Variants in FBN1 observed in about 807,000 individuals in gnomAD.
FBN1 encodes fibrillin 1.
In FBN1, 29 loss-of-function variants were observed where a neutral mutation model predicts 365.1. The observed-to-expected ratio is 0.08, with a 90% CI of 0.06 to 0.11. The LOEUF is 0.11. FBN1 is among the 10% of genes least tolerant of loss of function. The probability of loss-of-function intolerance (pLI) is 1.00; values close to 1 mark genes in which losing one functional copy is unlikely to be tolerated. For synonymous variants in FBN1, 1,210 were observed against 1,270.5 expected (o/e 0.95, Z 1.01); for missense variants, 2,476 against 3,703.2 (o/e 0.67, Z 8.60).
Position 48,409,889 on chromosome 15 carries a change from T to TAAGC in FBN1, c.*1100_*1101insGCTT, listed in dbSNP as rs1269104989. On this transcript the variant is annotated 3_prime_UTR_variant, in exon 66 of 66. Coordinates refer to ENST00000316623, the MANE Select transcript of FBN1 (RefSeq NM_000138.5). ...TCAGGTTAATGACACCAGACTCTGCTACTTTCAATGGATAAAACAAGGGAT... is the reference window on the plus strand; with the variant it reads ...TCAGGTTAATGACACCAGACTCTGCTAAGCACTTTCAATGGATAAAACAAGGGAT... The TAAGC allele has an allele frequency of 2.0e-5, 3 of 152,268 alleles. No homozygotes were observed. Among genetic ancestry groups the TAAGC allele is most frequent in the African/African-American group, 7.2e-5 (3 of 41,470 alleles). 9.4% of individuals were successfully genotyped at this position (152,268 alleles called of 1,614,324 possible).
chr15:48,481,316 T>C (rs1199574670), intron 32 of FBN1, among the ~76,000 whole-genome samples: 1 of 152,196 alleles, frequency 6.6e-6, no homozygotes, highest in African/African-American at 2.4e-5. Flanking sequence ...TGGAAAAGGC[T>C]TGCTTCGGTG....
At chr15:48,473,807 C>CAA (rs987286846) in intron 34 of FBN1, among the ~76,000 whole-genome samples, 522 of 141,132 alleles carry the variant, frequency 3.7e-3, no homozygotes, top group African/African-American at 0.013. Context: ...GAGAAATAGG[C>CAA]AAAAAAAAAA....
chr15:48,600,159 A>T lies in FBN1; in HGVS notation c.422T>A (p.Ile141Lys). Residue 141 changes from isoleucine (I) to lysine (K), a missense_variant, in exon 5 of 66, where the codon ATA becomes AAA. By Grantham distance (102) the Ile-to-Lys change is moderately radical. Around this residue, in one of 5 missense-constraint regions of FBN1, gnomAD observed 421 missense variants for 520.1 expected, o/e 0.81. Transcript: ENST00000316623. ...CTTACGTTGTCCACAGTGAGTCCCT[A>T]TGTATCCTTTCTGGCATAGACAGTG... ...DDHCLCQKGYIGTHCGQPVCE... is the reference protein window; with the variant it reads ...DDHCLCQKGYKGTHCGQPVCE... 6.2e-7 allele frequency: 1 copy of T among 1,613,082 alleles called. No individual in the cohort carries two copies. The highest frequency in any genetic ancestry group is 8.5e-7 in the Non-Finnish European group (1 of 1,179,068).
At chr15:48,530,230 C>T (rs953551874) in intron 8 of FBN1, among the ~76,000 whole-genome samples, 1 of 139,240 alleles carries the variant, frequency 7.2e-6, no homozygotes, top group Non-Finnish European at 1.6e-5. Flanking sequence ...ATGCTGCATC[C>T]GCCGCCTGAT....
rs191748165 is a variant in FBN1, at chr15:48,560,670, C to T, written c.539-22862G>A. On this transcript the variant is annotated intron_variant, in intron 6 of 65. Transcript: ENST00000316623. Reference sequence around the variant, plus strand: ...ACATTTTGATACTCTAATTACAATGCGAGCTTCTAAAATTGCAAACCCATG... The same window carrying T: ...ACATTTTGATACTCTAATTACAATGTGAGCTTCTAAAATTGCAAACCCATG... Among the ~76,000 whole-genome samples, 34 of 152,256 alleles carry T rather than the reference C, an allele frequency of 2.2e-4. No homozygotes were observed. In the South Asian group the frequency reaches 4.1e-3, roughly 19 times the overall value.
rs374520085 is a variant in FBN1 at position 48,465,597 on chromosome 15, T to G, written c.4913A>C (p.Tyr1638Ser). 4 of 1,614,032 alleles carry G rather than the reference T, an allele frequency of 2.5e-6. No individual in the cohort carries two copies. The African/African-American group carries it at 4.0e-5, about 16-fold the overall frequency. The part of the protein sequence containing the change: ...SFQCRCPTGY[Y>S]LNEDTRVCDD... ...ACACACTCGTGTATCTTCATTCAGG[T>G]AGTAGCCGGTTGGACAGCGGCACTG... Residue 1638 changes from tyrosine to serine, a missense_variant, in exon 40 of 66, where the codon TAC becomes TCC. Tyr to Ser is a moderately radical substitution (Grantham distance 144). This residue lies in a region of FBN1 where 1,780 missense variants were observed against 2,840.8 expected (regional missense o/e 0.63). Coordinates refer to ENST00000316623, the MANE Select transcript of FBN1 (RefSeq NM_000138.5).
intron 22 of FBN1, among the ~76,000 whole-genome samples, chr15:48,494,504 A>G (rs2043587836): frequency 6.6e-6 from 1 of 152,204 alleles, no homozygotes; most frequent in South Asian, 2.1e-4. Flanking sequence ...TGCCCTATAG[A>G]TCATGTTAAA....
Position 48,485,363 on chromosome 15 carries a change from A to G in FBN1, c.3712+11T>C. ...ACTGAGAGATTCAACATGAGGCTAG[A>G]ACCTACTCACCGGTGCATGATCTCT... On this transcript the variant is annotated intron_variant, in intron 30 of 65. Coordinates refer to ENST00000316623, the MANE Select transcript of FBN1 (RefSeq NM_000138.5). 1 of 1,614,190 alleles carries G rather than the reference A, an allele frequency of 6.2e-7. No individual in the cohort carries two copies. Among genetic ancestry groups the G allele is most frequent in the Non-Finnish European group, 8.5e-7 (1 of 1,180,030 alleles).
At position 48,513,682 on chromosome 15, in the gene FBN1, T is replaced by A. The variant is rs2043779369; in HGVS notation, c.1469-14A>T. Reference sequence around the variant, plus strand: ...ATTCATCAACATCTGCAAAGCACAATGTATTTTAGTGCAAAATTACATAGC... The same window carrying A: ...ATTCATCAACATCTGCAAAGCACAAAGTATTTTAGTGCAAAATTACATAGC... On this transcript the variant is annotated splice_polypyrimidine_tract_variant and intron_variant, in intron 12 of 65. Coordinates refer to ENST00000316623, the MANE Select transcript of FBN1 (RefSeq NM_000138.5). 1 of 1,613,804 alleles carries A rather than the reference T, an allele frequency of 6.2e-7. No individual in the cohort carries two copies. Among genetic ancestry groups the A allele is most frequent in the African/African-American group, 1.3e-5 (1 of 75,020 alleles).
chr15:48,497,090 G>A (rs976165570), intron 19 of FBN1, among the ~76,000 whole-genome samples, 176 bp downstream of exon 19: 4 of 152,212 alleles, frequency 2.6e-5, no homozygotes, highest in African/African-American at 9.6e-5. Flanking sequence ...AAACTGTGAA[G>A]ATTCAGTGAT....
intron 15 of FBN1, among the ~76,000 whole-genome samples, chr15:48,505,655 A>C (rs905506384): frequency 7.9e-5 from 12 of 152,218 alleles, no homozygotes; most frequent in Admixed American, 5.9e-4. Context: ...CCTTGATGGA[A>C]CACCACAGAA....
intron 57 of FBN1, chr15:48,428,094 C>T: frequency 1.6e-6 from 1 of 632,176 alleles, no homozygotes; most frequent in East Asian, 2.8e-5. Flanking sequence ...TCCTGATCAC[C>T]AAGGGCTTCA....
intron 6 of FBN1, 40 bp downstream of exon 6, chr15:48,596,243 A>G: frequency 6.4e-7 from 1 of 1,563,556 alleles, no homozygotes; most frequent in Non-Finnish European, 8.8e-7. Context: ...AGCTTTAGGT[A>G]CCAGCATGTC....
chr15:48,625,714 C>A (rs1179895052), intron 2 of FBN1, among the ~76,000 whole-genome samples: 1 of 152,202 alleles, frequency 6.6e-6, no homozygotes, highest in Non-Finnish European at 1.5e-5. Context: ...CTATTTCTAG[C>A]ACGAGTGGCT....
intron 6 of FBN1, among the ~76,000 whole-genome samples, chr15:48,574,123 T>C (rs2044327053): frequency 6.6e-6 from 1 of 152,166 alleles, no homozygotes. Flanking sequence ...GTCCTTGCAA[T>C]GGTCAGTGGT....
intron 6 of FBN1, among the ~76,000 whole-genome samples, chr15:48,569,764 G>T (rs2044291937): frequency 6.6e-6 from 1 of 152,144 alleles, no homozygotes; most frequent in South Asian, 2.1e-4. Context: ...GAGACAGAAA[G>T]TGTATTAGTG....
chr15:48,513,461 G>T lies in FBN1; in HGVS notation c.1588+88C>A. 1.9e-6 allele frequency: 3 copies of T among 1,587,298 alleles called. 1 individual carries two copies. Among genetic ancestry groups the T allele is most frequent in the South Asian group, 2.2e-5 (2 of 90,400 alleles). On this transcript the variant is annotated intron_variant, in intron 13 of 65. Coordinates refer to ENST00000316623, the MANE Select transcript of FBN1 (RefSeq NM_000138.5). ...GACTGTATTAGTCTCTTCCGGCATG[G>T]GTTATTTAAACTCCATGGAACTCCT... is the stretch of plus-strand genomic sequence containing the variant.
intron 6 of FBN1, among the ~76,000 whole-genome samples, chr15:48,575,522 C>T (rs1168380869): frequency 6.6e-6 from 1 of 152,106 alleles, no homozygotes; most frequent in Non-Finnish European, 1.5e-5. Context: ...TGGTAGTCTC[C>T]AATGTCCATC....
At chr15:48,636,582 G>A (rs1049216798) in intron 2 of FBN1, among the ~76,000 whole-genome samples, 9 of 152,146 alleles carry the variant, frequency 5.9e-5, no homozygotes, top group Non-Finnish European at 1.2e-4. Flanking sequence ...GTTCAGGCAG[G>A]AGACTGCATG....
Sources: gnomAD v4.1 joint callset for allele counts (sites outside exome capture counted in the v4.1 genomes callset) on GRCh38, gnomAD v4.1.1 for gene constraint, gnomAD v4.1.1 regional missense constraint, MANE v1.5 for transcripts, NCBI Gene and HGNC (gene_info 2026-07-23, HGNC 2026-07-21) for gene names.